Variants in BRD4 observed in about 807,000 individuals in gnomAD.
BRD4 encodes the protein bromodomain-containing protein 4.
Under a neutral mutation model 142.1 loss-of-function variants are expected in BRD4, and 16 were observed. The ratio of observed to expected loss-of-function variants is 0.11; its 90% confidence interval spans 0.08 to 0.17. BRD4 has a LOEUF of 0.17. BRD4 is among the 10% of genes least tolerant of loss of function. The pLI, the probability that BRD4 is intolerant of heterozygous loss-of-function variation, is 1.00. For missense variants in BRD4, 1,424 were observed against 1,810.9 expected (o/e 0.79, Z 3.88); for synonymous variants, 833 against 707.5 (o/e 1.18, Z -2.82).
chr19:15,251,141 G>C (rs890133984), intron 11 of BRD4, among the ~76,000 whole-genome samples: 5 of 152,150 alleles, frequency 3.3e-5, no homozygotes, highest in African/African-American at 1.2e-4. Flanking sequence ...AGCTGGGAAA[G>C]CAGCACCCAC....
chr19:15,315,679 C>A (rs1846711203), intron 1 of BRD4, among the ~76,000 whole-genome samples: 1 of 152,038 alleles, frequency 6.6e-6, no homozygotes, highest in Non-Finnish European at 1.5e-5. Flanking sequence ...TATAGTGAAG[C>A]CTCATCTCCA....
chr19:15,263,260 T>G (rs1047018225), intron 7 of BRD4, among the ~76,000 whole-genome samples, 160 bp downstream of exon 7: 1 of 152,272 alleles, frequency 6.6e-6, no homozygotes, highest in South Asian at 2.1e-4. Flanking sequence ...CAACTTAAAA[T>G]GTATGCACTA....
intron 1 of BRD4, among the ~76,000 whole-genome samples, chr19:15,299,604 A>C (rs1388195925): frequency 6.6e-6 from 1 of 152,186 alleles, no homozygotes; most frequent in Non-Finnish European, 1.5e-5. Flanking sequence ...CATAACTCTC[A>C]ATATGGACAC....
chr19:15,238,002 G>A lies in BRD4; in HGVS notation c.*375C>T, dbSNP rs2047207458. 4.1e-6 allele frequency: 1 copy of A among 245,848 alleles called. No homozygotes were observed. The highest frequency in any genetic ancestry group is 7.9e-6 in the Non-Finnish European group (1 of 126,726). 15.2% of individuals were successfully genotyped at this position (245,848 alleles called of 1,614,324 possible). A position where few individuals can be genotyped will look rare whatever the true frequency, so the allele number is the denominator to read the frequency against. On this transcript the variant is annotated 3_prime_UTR_variant, in exon 20 of 20. Transcript: ENST00000679869. This position sits in a 1 kb window ranked among gnomAD's most constrained non-coding sequence, Gnocchi z 7.2. ...ACATCACGAACGTCACGTTCTTGGG[G>A]ACAGAAAACCAGTCACGGCGGCAGC...
intron 1 of BRD4, among the ~76,000 whole-genome samples, chr19:15,292,777 C>CAAAAAAAAAAAAAAAAAAAAAAAAA (rs57341445): frequency 1.0e-4 from 6 of 57,256 alleles, no homozygotes; most frequent in Admixed American, 2.6e-4. Context: ...GACTCCGTCT[C>CAAAAAAAAAAAAAAAAAAAAAAAAA]AAAAAAAAAA....
Position 15,255,338 on chromosome 19 carries a change from C to T in BRD4, c.2006G>A (p.Arg669His), listed in dbSNP as rs35824241. The T allele has an allele frequency of 3.3e-5, 54 of 1,613,896 alleles. No individual in the cohort carries two copies. The highest frequency in any genetic ancestry group is 6.7e-5 in the Admixed American group (4 of 59,980). ...LKPSTLRELE[R>H]YVTSCLRKKR... ...CTTCCGCAAACAGGAGGTGACATAG[C>T]GCTCCAGCTCACGCAGTGTGGACGG... Residue 669 changes from arginine to histidine, a missense_variant, in exon 10 of 20, where the codon CGC becomes CAC. Physicochemically the swap from Arg to His is conservative, Grantham distance 29 (BLOSUM62 0). This residue lies in a region of BRD4 where 46 missense variants were observed against 110.4 expected (regional missense o/e 0.42). Coordinates refer to ENST00000679869, the MANE Select transcript of BRD4 (RefSeq NM_001379291.1).
intron 3 of BRD4, among the ~76,000 whole-genome samples, 165 bp downstream of exon 3, chr19:15,268,740 G>A: frequency 6.6e-6 from 1 of 151,946 alleles, no homozygotes; most frequent in Non-Finnish European, 1.5e-5. Flanking sequence ...CCAGTCACAG[G>A]AACAACCACA....
At chr19:15,292,809 A>G (rs1314715342) in intron 1 of BRD4, among the ~76,000 whole-genome samples, 1 of 144,734 alleles carries the variant, frequency 6.9e-6, no homozygotes, top group Non-Finnish European at 1.5e-5. Context: ...AAAAAAAAAA[A>G]AAAAAAGAAA....
At chr19:15,304,518 C>T (rs1450503083) in intron 1 of BRD4, among the ~76,000 whole-genome samples, 4 of 152,188 alleles carry the variant, frequency 2.6e-5, no homozygotes, top group East Asian at 1.9e-4. Flanking sequence ...TTTTCCAGGC[C>T]GCCAGTGCCC....
intron 1 of BRD4, among the ~76,000 whole-genome samples, chr19:15,286,731 C>T (rs1022811277): frequency 1.3e-5 from 2 of 152,148 alleles, no homozygotes; most frequent in Non-Finnish European, 2.9e-5. Flanking sequence ...TTCACATACC[C>T]GAGGTGTCCC....
chr19:15,321,964 T>C lies in BRD4; in HGVS notation c.-35+10326A>G, dbSNP rs150034087. On this transcript the variant is annotated intron_variant, in intron 1 of 19. Transcript: ENST00000679869. ...CTTTCACCTGCTACTAGAAAGCATA[T>C]CCAGGACAGTCATCATTGGGCAAAT... Among the ~76,000 whole-genome samples the C allele has an allele frequency of 7.7e-4, 117 of 152,174 alleles. No homozygotes were observed. In the East Asian group the frequency reaches 0.021, roughly 27 times the overall value.
rs1277195290 is a variant in BRD4, at chr19:15,239,742, C to T, written c.3362G>A (p.Arg1121His). The T allele has an allele frequency of 6.2e-7, 1 of 1,607,588 alleles. No individual in the cohort carries two copies. Among genetic ancestry groups the T allele is most frequent in the Non-Finnish European group, 8.5e-7 (1 of 1,179,654 alleles). Reference sequence around the variant, plus strand: ...CAGCGAGGGGCTGAAGGGCTCGCTGCGGATGATGGGTGAGTGGATCTTCTC... The same window carrying T: ...CAGCGAGGGGCTGAAGGGCTCGCTGTGGATGATGGGTGAGTGGATCTTCTC... ...KEEKIHSPII[R>H]SEPFSPSLRP... Residue 1121 changes from arginine (R) to histidine (H), a missense_variant, in exon 16 of 20, where the codon CGC becomes CAC. Transcript: ENST00000679869. The surrounding 1 kb of genome is among the most constrained non-coding windows in gnomAD (Gnocchi z 7.4).
At chr19:15,322,279 T>C (rs556024590) in intron 1 of BRD4, among the ~76,000 whole-genome samples, 3 of 152,288 alleles carry the variant, frequency 2.0e-5, no homozygotes, top group Non-Finnish European at 4.4e-5. Context: ...TGTTTTGTTT[T>C]GTTTTCTTCT....
At chr19:15,332,145 C>G (rs2048166994) in intron 1 of BRD4, 145 bp downstream of exon 1, 1 of 146,738 alleles carries the variant, frequency 6.8e-6, no homozygotes, top group Admixed American at 6.8e-5. Flanking sequence ...CCGCGTAGCC[C>G]CGGCCTCCCC....
intron 1 of BRD4, among the ~76,000 whole-genome samples, chr19:15,274,952 A>G (rs1489320219): frequency 6.7e-6 from 1 of 150,206 alleles, no homozygotes; most frequent in Non-Finnish European, 1.5e-5. Flanking sequence ...TCTGCCTTCC[A>G]GGGTCAAGTG....
rs1269531339 is a variant in BRD4, at chr19:15,237,303, T to TA, written c.*1073dup. 1 of 208,546 alleles carries TA rather than the reference T, an allele frequency of 4.8e-6. No homozygotes were observed. 12.9% of individuals were successfully genotyped at this position (208,546 alleles called of 1,614,324 possible). A position where few individuals can be genotyped will look rare whatever the true frequency, so the allele number is the denominator to read the frequency against. ...AATTGTAGCTTTCTGGTTTTATAAT[T>TA]AAAAATAGACTAATAAAGTTTGAAA... is the stretch of plus-strand genomic sequence containing the variant. On this transcript the variant is annotated 3_prime_UTR_variant, in exon 20 of 20. Transcript: ENST00000679869.
At chr19:15,273,283 CT>C in intron 1 of BRD4, 150 bp from the exon 2 acceptor site, 2 of 715,968 alleles carry the variant, frequency 2.8e-6, no homozygotes, top group Non-Finnish European at 4.4e-6. Context: ...CATGCTTTGA[CT>C]GAAAGGGTTC....
intron 2 of BRD4, among the ~76,000 whole-genome samples, chr19:15,272,173 C>CAG (rs2047595260): frequency 6.6e-6 from 1 of 152,120 alleles, no homozygotes; most frequent in Non-Finnish European, 1.5e-5. Flanking sequence ...ATATGGAAAA[C>CAG]TCTCCAGGGA....
chr19:15,238,348 A>G lies in BRD4; in HGVS notation c.*29T>C. 6.2e-7 allele frequency: 1 copy of G among 1,613,600 alleles called. No homozygotes were observed. On this transcript the variant is annotated 3_prime_UTR_variant, in exon 20 of 20. Transcript: ENST00000679869. This position sits in a 1 kb window ranked among gnomAD's most constrained non-coding sequence, Gnocchi z 7.2. ...ATGGAAAGTCAATGTTTTGCCAGAA[A>G]ATCAAAGTCAGAAGCCACCTAGGTG... is the stretch of plus-strand genomic sequence containing the variant.
Sources: gnomAD v4.1 joint callset for allele counts (sites outside exome capture counted in the v4.1 genomes callset) on GRCh38, gnomAD v4.1.1 for gene constraint, gnomAD v4.1.1 regional missense constraint, Gnocchi (gnomAD v3.1) non-coding constraint, MANE v1.5 for transcripts, NCBI Gene and HGNC (gene_info 2026-07-23, HGNC 2026-07-21) for gene names.